The following MALRD1 variants were observed in gnomAD, a reference collection of about 807,000 sequenced individuals.
MALRD1 encodes MAM and LDL receptor class A domain containing 1, also known as MAM and LDL-receptor class A domain-containing protein 1.
MALRD1 carries 247 observed loss-of-function variants against 242.1 expected under a neutral mutation model. That is an observed-to-expected ratio of 1.02 (90% CI 0.92 to 1.13). The LOEUF is 1.13. Among genes scored for constraint, MALRD1 ranks in the 50% most tolerant of loss-of-function variants. The pLI is 0.00. For synonymous variants in MALRD1, 995 were observed against 866.6 expected, an observed-to-expected ratio of 1.15 and a Z score of -2.60; for missense variants, 2,989 against 2,533.1, an observed-to-expected ratio of 1.18 and a Z score of -3.86.
chr10:19,309,344 A>T (rs1321394228), intron 21 of MALRD1, among the ~76,000 whole-genome samples: 2 of 151,470 alleles, frequency 1.3e-5, no homozygotes, highest in Non-Finnish European at 3.0e-5. Context: ...TTCTCTGCTT[A>T]CTTCATTTTT....
chr10:19,337,042 G>A (rs1199908298), intron 24 of MALRD1, among the ~76,000 whole-genome samples: 2 of 151,954 alleles, frequency 1.3e-5, no homozygotes, highest in East Asian at 1.9e-4. Flanking sequence ...TATTGTGTGT[G>A]TATATGTATT....
intron 33 of MALRD1, among the ~76,000 whole-genome samples, chr10:19,585,418 C>T (rs1164637820): frequency 6.6e-6 from 1 of 151,760 alleles, no homozygotes; most frequent in Admixed American, 6.6e-5. Flanking sequence ...TAGGGCAGGC[C>T]TGGTGGTGAC....
At chr10:19,362,021 G>A (rs1844916802) in intron 26 of MALRD1, among the ~76,000 whole-genome samples, 1 of 151,946 alleles carries the variant, frequency 6.6e-6, no homozygotes, top group African/African-American at 2.4e-5. Context: ...TTCTAATTCT[G>A]CAATCTGATG....
chr10:19,600,394 A>G lies in MALRD1; in HGVS notation c.5944+4937A>G, dbSNP rs1326994926. ...TATGGTAGAGTGCATAATACACACA[A>G]TAAATTATTATCCTTTCCCCATTAA... is the stretch of plus-strand genomic sequence containing the variant. On this transcript the variant is annotated intron_variant, in intron 34 of 39. Coordinates refer to ENST00000454679, the MANE Select transcript of MALRD1 (RefSeq NM_001142308.3). Among the ~76,000 whole-genome samples the G allele has an allele frequency of 3.3e-5, 5 of 152,232 alleles. No individual in the cohort carries two copies. In the South Asian group the frequency reaches 8.3e-4, roughly 25 times the overall value.
chr10:19,346,141 G>A (rs990704306), intron 24 of MALRD1, among the ~76,000 whole-genome samples: 1 of 151,992 alleles, frequency 6.6e-6, no homozygotes, highest in African/African-American at 2.4e-5. Context: ...GGTTTATTTT[G>A]CACCTTGAGA....
At chr10:19,719,349 G>T (rs1428940400) in intron 38 of MALRD1, among the ~76,000 whole-genome samples, 1 of 150,102 alleles carries the variant, frequency 6.7e-6, no homozygotes, top group Admixed American at 6.7e-5. Flanking sequence ...CACTTGTGAA[G>T]TGGAGTGAAG....
intron 18 of MALRD1, among the ~76,000 whole-genome samples, chr10:19,254,783 G>T (rs912922065): frequency 2.6e-5 from 4 of 151,120 alleles, no homozygotes; most frequent in Non-Finnish European, 4.4e-5. Flanking sequence ...ATGTATCTGA[G>T]GATACATTAT....
intron 12 of MALRD1, among the ~76,000 whole-genome samples, chr10:19,161,550 C>CAAAAAAAAAAAAAAAAAAAAAAAAAA: frequency 6.6e-5 from 4 of 60,838 alleles, no homozygotes; most frequent in Non-Finnish European, 1.2e-4. Context: ...AAAAAAAAAG[C>CAAAAAAAAAAAAAAAAAAAAAAAAAA]AAAAAAAAAA....
chr10:19,576,686 C>T (rs1271571671), intron 33 of MALRD1, among the ~76,000 whole-genome samples: 5 of 152,150 alleles, frequency 3.3e-5, no homozygotes, highest in African/African-American at 9.6e-5. Context: ...TACCCTTATC[C>T]CCTCATCTCC....
At chr10:19,251,928 T>C (rs1204297862) in intron 18 of MALRD1, among the ~76,000 whole-genome samples, 1 of 151,938 alleles carries the variant, frequency 6.6e-6, no homozygotes, top group African/African-American at 2.4e-5. Context: ...CTTCATTCTC[T>C]TCCTCCTACT....
At chr10:19,199,076 G>T (rs915755605) in intron 14 of MALRD1, among the ~76,000 whole-genome samples, 1 of 152,032 alleles carries the variant, frequency 6.6e-6, no homozygotes, top group African/African-American at 2.4e-5. Flanking sequence ...ATCAAATAAA[G>T]GACAACCTCT....
intron 18 of MALRD1, among the ~76,000 whole-genome samples, chr10:19,233,694 C>A (rs1419772981): frequency 6.6e-6 from 1 of 151,532 alleles, no homozygotes; most frequent in East Asian, 1.9e-4. Context: ...ATGTTTAATA[C>A]AAAGCATAGC....
intron 28 of MALRD1, among the ~76,000 whole-genome samples, chr10:19,443,918 G>A (rs1834811793): frequency 6.6e-6 from 1 of 151,138 alleles, no homozygotes; most frequent in Admixed American, 6.6e-5. Context: ...GTTGACAGTG[G>A]GATGTTATTA....
intron 36 of MALRD1, among the ~76,000 whole-genome samples, chr10:19,631,995 C>T (rs1839922584): frequency 6.6e-6 from 1 of 152,130 alleles, no homozygotes; most frequent in African/African-American, 2.4e-5. Flanking sequence ...ATAGCAGTAT[C>T]AGTCAGGAAC....
intron 18 of MALRD1, among the ~76,000 whole-genome samples, chr10:19,248,319 A>G (rs1379578162): frequency 6.6e-6 from 1 of 151,900 alleles, no homozygotes; most frequent in Admixed American, 6.6e-5. Flanking sequence ...TTGGGAAAAC[A>G]TTTATTATTA....
Position 19,189,515 on chromosome 10 carries a change from C to T in MALRD1, c.1951+14187C>T, listed in dbSNP as rs902426869. 4.0e-5 allele frequency among the ~76,000 whole-genome samples: 6 copies of T among 150,144 alleles called. No individual in the cohort carries two copies. In the East Asian group the frequency reaches 7.8e-4, roughly 20 times the overall value. ...CCAGACAAAGAGACTGCAAAAAAAA[C>T]TATGAACCTATATGCTTTATGATCG... On this transcript the variant is annotated intron_variant, in intron 14 of 39. Transcript: ENST00000454679.
chr10:19,658,375 G>A (rs56920352), intron 36 of MALRD1, among the ~76,000 whole-genome samples: 1 of 152,030 alleles, frequency 6.6e-6, no homozygotes, highest in Non-Finnish European at 1.5e-5. Flanking sequence ...AATGCATATA[G>A]AAGTTATTTG....
chr10:19,646,741 G>A (rs1840677914), intron 36 of MALRD1, among the ~76,000 whole-genome samples: 1 of 152,090 alleles, frequency 6.6e-6, no homozygotes, highest in South Asian at 2.1e-4. Context: ...TGGCAAATGT[G>A]TGCTTTAAAA....
In MALRD1 at chr10:19,310,351, A is replaced by C. The variant is rs2499062; in HGVS notation, c.3420-13598A>C. Among the ~76,000 whole-genome samples the C allele has an allele frequency of 4.0e-5, 6 of 151,510 alleles. No individual in the cohort carries two copies. In the East Asian group the frequency reaches 9.8e-4, roughly 25 times the overall value. ...ATAAGGAGCAGTGTTAGAAAGGACA[A>C]TTGAAGGGATAACTATATTTAAACG... On this transcript the variant is annotated intron_variant, in intron 21 of 39. Transcript: ENST00000454679.
Sources: gnomAD v4.1 joint callset for allele counts (sites outside exome capture counted in the v4.1 genomes callset) on GRCh38, gnomAD v4.1.1 for gene constraint, MANE v1.5 for transcripts, NCBI Gene and HGNC (gene_info 2026-07-23, HGNC 2026-07-21) for gene names.